Variants in RNF212 observed in about 807,000 individuals in gnomAD.
RNF212 encodes ring finger protein 212, also known as probable E3 SUMO-protein ligase RNF212.
RNF212 carries 33 observed loss-of-function variants against 34.7 expected under a neutral mutation model. The ratio of observed to expected loss-of-function variants is 0.95; its 90% CI spans 0.72 to 1.27. The LOEUF (loss-of-function observed/expected upper bound fraction) is 1.27, where lower values mean the gene tolerates loss of function less well. RNF212 is among the 50% of genes most tolerant of loss of function. RNF212 has a pLI of 0.00. For synonymous variants in RNF212, 140 were observed against 136.1 expected, an observed-to-expected ratio of 1.03 and a Z score of -0.20; for missense variants, 377 against 362.2, an observed-to-expected ratio of 1.04 and a Z score of -0.33.
intron 3 of RNF212, among the ~76,000 whole-genome samples, chr4:1,064,472 A>G (rs568863821): frequency 5.3e-4 from 80 of 152,318 alleles, no homozygotes; most frequent in Admixed American, 9.1e-4. Context: ...GGCTTACACA[A>G]CAGAAGTTTA....
At chr4:1,090,947 C>T in intron 3 of RNF212, 109 bp from the exon 4 acceptor site, 1 of 698,054 alleles carries the variant, frequency 1.4e-6, no homozygotes, top group Non-Finnish European at 2.5e-6. Context: ...GCTCACAGTG[C>T]TTGTCTTACG....
At chr4:1,087,790 C>T (rs750940422) in intron 4 of RNF212, among the ~76,000 whole-genome samples, 14 of 151,834 alleles carry the variant, frequency 9.2e-5, no homozygotes, top group Admixed American at 5.9e-4. Context: ...TGAGTTCTCA[C>T]GAGATCTGAT....
At chr4:1,105,753 G>T (rs953910122) in intron 2 of RNF212, among the ~76,000 whole-genome samples, 1 of 146,098 alleles carries the variant, frequency 6.8e-6, no homozygotes, top group East Asian at 2.1e-4. Context: ...TCCTTCCACC[G>T]CAGGTCAGGG....
chr4:1,068,444 T>C (rs962859665), downstream of RNF212, among the ~76,000 whole-genome samples: 1 of 152,234 alleles, frequency 6.6e-6, no homozygotes, highest in African/African-American at 2.4e-5. Flanking sequence ...TTTGCTGTGG[T>C]TGCTTTAAAC....
chr4:1,110,851 G>A (rs897455397), intron 1 of RNF212, among the ~76,000 whole-genome samples: 1 of 152,152 alleles, frequency 6.6e-6, no homozygotes, highest in African/African-American at 2.4e-5. Flanking sequence ...CCGACATGCA[G>A]CATCTGTGGC....
chr4:1,073,744 C>G, intron 8 of RNF212, 82 bp from the exon 9 acceptor site: 1 of 901,382 alleles, frequency 1.1e-6, no homozygotes, highest in East Asian at 2.5e-5. Flanking sequence ...CTGTTAGGAA[C>G]ACATTTCCCA....
chr4:1,081,336 A>AG, intron 7 of RNF212, 83 bp downstream of exon 7: 3 of 1,072,712 alleles, frequency 2.8e-6, no homozygotes, highest in Non-Finnish European at 4.1e-6. Flanking sequence ...GGGCTTGGAG[A>AG]GGGGGTGGGG....
At position 1,113,428 on chromosome 4, in the gene RNF212, G is replaced by T. The variant is rs755375748; in HGVS notation, c.37C>A (p.Pro13Thr). ...CTGAAGCACGACGTCCTGTGGGGCG[G>T]CTGGAAGCAGCGATTACAGAACACC... ...NWVFCNRCFQ[P>T]PHRTSCFSLT... The change falls in exon 1 of 10, where the codon CCG becomes ACG. Residue 13 changes from proline (P) to threonine (T), a missense_variant. Pro to Thr is a conservative substitution (Grantham distance 38, BLOSUM62 -1). Coordinates refer to ENST00000433731, the MANE Select transcript of RNF212 (RefSeq NM_001131034.4). The T allele has an allele frequency of 1.9e-5, 31 of 1,607,696 alleles. No individual in the cohort carries two copies. The East Asian group carries it at 7.0e-4, about 36-fold the overall frequency.
intron 8 of RNF212, among the ~76,000 whole-genome samples, chr4:1,077,257 A>T (rs192152592): frequency 6.6e-6 from 1 of 152,330 alleles, no homozygotes; most frequent in African/African-American, 2.4e-5. Context: ...AAAAACAAAA[A>T]GCAAAAGACA....
chr4:1,070,220 G>C (rs2153034870), downstream of RNF212, among the ~76,000 whole-genome samples: 1 of 148,636 alleles, frequency 6.7e-6, no homozygotes, highest in Non-Finnish European at 1.5e-5. Context: ...GTGTCAGCGT[G>C]GGTGCCTGGC....
At chr4:1,077,956 A>G (rs1047485073) in intron 8 of RNF212, among the ~76,000 whole-genome samples, 2 of 152,034 alleles carry the variant, frequency 1.3e-5, no homozygotes, top group African/African-American at 4.8e-5. Context: ...CGTGTGCTTG[A>G]CCCAACTGCC....
At chr4:1,108,245 G>T in intron 2 of RNF212, 98 bp downstream of exon 2, 1 of 749,744 alleles carries the variant, frequency 1.3e-6, no homozygotes, top group Non-Finnish European at 2.1e-6. Context: ...CAAAGTGACT[G>T]AAAATTTTAG....
At chr4:1,079,560 G>C (rs1577676261) in intron 8 of RNF212, 83 bp downstream of exon 8, 4 of 926,388 alleles carry the variant, frequency 4.3e-6, no homozygotes, top group Non-Finnish European at 7.2e-6. Flanking sequence ...TTGCACGAGA[G>C]GTTACGTTTT....
chr4:1,075,216 A>G (rs1719088675), intron 8 of RNF212, among the ~76,000 whole-genome samples: 1 of 152,210 alleles, frequency 6.6e-6, no homozygotes, highest in African/African-American at 2.4e-5. Flanking sequence ...GGCTGCCTAC[A>G]CGCATGTTTG....
At chr4:1,093,809 G>A (rs2153054201) in intron 3 of RNF212, 11 of 1,536,302 alleles carry the variant, frequency 7.2e-6, no homozygotes, top group Admixed American at 2.0e-5. Flanking sequence ...GGGGTGAGGT[G>A]CGTCCTGGAT....
At chr4:1,111,450 C>T (rs1725644074) in intron 1 of RNF212, among the ~76,000 whole-genome samples, 1 of 152,132 alleles carries the variant, frequency 6.6e-6, no homozygotes, top group Non-Finnish European at 1.5e-5. Context: ...GGCCCTGCAC[C>T]CCACCCTGCT....
chr4:1,085,758 AAAG>A, intron 5 of RNF212, 135 bp downstream of exon 5: 1 of 692,386 alleles, frequency 1.4e-6, no homozygotes, highest in Non-Finnish European at 2.6e-6. Context: ...TGCTCTGATG[AAAG>A]TTTCTGGTAA....
chr4:1,085,717 C>G, intron 5 of RNF212, 179 bp downstream of exon 5: 1 of 614,904 alleles, frequency 1.6e-6, no homozygotes, highest in Admixed American at 2.9e-5. Flanking sequence ...TTTTGTCTCC[C>G]TTCTTCCCTT....
intron 4 of RNF212, among the ~76,000 whole-genome samples, chr4:1,089,049 C>A (rs1721777003): frequency 6.6e-6 from 1 of 152,242 alleles, no homozygotes; most frequent in Non-Finnish European, 1.5e-5. Context: ...AGTGTCCCAA[C>A]TGGGGTGCTG....
Sources: gnomAD v4.1 joint callset for allele counts (sites outside exome capture counted in the v4.1 genomes callset) on GRCh38, gnomAD v4.1.1 for gene constraint, MANE v1.5 for transcripts, NCBI Gene and HGNC (gene_info 2026-07-23, HGNC 2026-07-21) for gene names.